Variants in INPP5E observed in about 807,000 individuals in gnomAD.
INPP5E encodes inositol polyphosphate-5-phosphatase E.
Under a neutral mutation model 50.5 loss-of-function variants are expected in INPP5E, and 34 were observed. The observed-to-expected ratio is 0.67, with a 90% CI of 0.51 to 0.90. The LOEUF (loss-of-function observed/expected upper bound fraction) is 0.90. Ranked by LOEUF, INPP5E falls within the 40% of genes least tolerant of loss-of-function variation. The probability of loss-of-function intolerance (pLI) is 0.00; values close to 1 mark genes in which losing one functional copy is unlikely to be tolerated. For synonymous variants in INPP5E, 447 were observed against 406.0 expected (o/e 1.10, Z -1.21); for missense variants, 942 against 905.5 (o/e 1.04, Z -0.52).
At chr9:136,430,929 A>T in intron 8 of INPP5E, 73 bp downstream of exon 8, 2 of 1,073,008 alleles carry the variant, frequency 1.9e-6, no homozygotes, top group Non-Finnish European at 2.9e-6. Context: ...CCCTGACGCC[A>T]GGCATCGGTT....
chr9:136,438,331 A>G, intron 1 of INPP5E: 1 of 569,678 alleles, frequency 1.8e-6, no homozygotes, highest in Non-Finnish European at 3.1e-6. Context: ...ACTAAACAAG[A>G]AAAAGCGCCA....
chr9:136,434,658 C>T (rs1835790497), intron 2 of INPP5E, 82 bp downstream of exon 2: 1 of 1,531,386 alleles, frequency 6.5e-7, no homozygotes, highest in South Asian at 1.2e-5. Flanking sequence ...GGATGAGGCA[C>T]AGAGCTGCCC....
rs953200980 is a variant in INPP5E, at chr9:136,429,744, A to T, written c.1866T>A (p.Ile622=). ...ELYLLGIKRR[I]SKEIQRQQAL... ...CTTGCTGCCTCTGAATCTCCTTCGA[A>T]ATCCGTCTTTTAATTCCTAGTAAGT... The change falls in exon 10 of 10, where the codon ATT becomes ATA. Residue 622 remains isoleucine, a synonymous_variant. Coordinates refer to ENST00000371712, the MANE Select transcript of INPP5E (RefSeq NM_019892.6). 2.5e-6 allele frequency: 4 copies of T among 1,613,794 alleles called. No individual in the cohort carries two copies. Among genetic ancestry groups the T allele is most frequent in the Non-Finnish European group, 3.4e-6 (4 of 1,179,982 alleles).
intron 5 of INPP5E, 37 bp downstream of exon 5, chr9:136,432,919 C>T: frequency 1.2e-6 from 2 of 1,607,154 alleles, no homozygotes; most frequent in South Asian, 2.2e-5. Context: ...AAGCTGTTCT[C>T]ACACAGCACC....
At chr9:136,438,328 A>G in intron 1 of INPP5E, 1 of 565,570 alleles carries the variant, frequency 1.8e-6, no homozygotes, top group South Asian at 2.1e-5. Flanking sequence ...AAGACTAAAC[A>G]AGAAAAAGCG....
At chr9:136,432,244 G>C (rs948292651) in intron 6 of INPP5E, among the ~76,000 whole-genome samples, 2 of 152,198 alleles carry the variant, frequency 1.3e-5, no homozygotes, top group Non-Finnish European at 2.9e-5. Flanking sequence ...GCGGCGGGGC[G>C]GGCAGTGGCG....
chr9:136,428,920 C>T lies in INPP5E; in HGVS notation c.*755G>A, dbSNP rs1324040133. 6.6e-6 allele frequency: 1 copy of T among 152,442 alleles called. No individual in the cohort carries two copies. The highest frequency in any genetic ancestry group is 1.5e-5 in the Non-Finnish European group (1 of 68,324). 9.4% of individuals were successfully genotyped at this position (152,442 alleles called of 1,614,324 possible). The stretch of plus-strand genomic sequence containing the variant: ...TTAAAGAAGCAAACGGTCTACGTCA[C>T]CAAGACCATGAGACGGTTTCAAAAA... On this transcript the variant is annotated 3_prime_UTR_variant, in exon 10 of 10. Transcript: ENST00000371712.
rs1210680949 is a variant in INPP5E, at chr9:136,438,697, GC to G, written c.722del (p.Ser241ThrfsTer153). 1 of 1,601,150 alleles carries G rather than the reference GC, an allele frequency of 6.2e-7. No homozygotes were observed. Among genetic ancestry groups the G allele is most frequent in the Non-Finnish European group, 8.5e-7 (1 of 1,174,238 alleles). On this transcript the variant is annotated frameshift_variant, in exon 1 of 10. Coordinates refer to ENST00000371712, the MANE Select transcript of INPP5E (RefSeq NM_019892.6). LOFTEE classifies it high-confidence loss of function. ...HSSLGPGRPR[S>X]PLACDDCSLR... ...GGGAACAGTCGTCGCAGGCCAGGGG[GC>G]TCCGCGGCCGGCCGGGGCCCAGGCT...
At chr9:136,430,482 C>G (rs972231041) in intron 8 of INPP5E, 69 bp from the exon 9 acceptor site, 9 of 1,533,118 alleles carry the variant, frequency 5.9e-6, no homozygotes, top group Non-Finnish European at 7.9e-6. Context: ...GCCCGCTCAC[C>G]TCCCTGCTGT....
intron 5 of INPP5E, 46 bp from the exon 6 acceptor site, chr9:136,432,632 C>T (rs1274625536): frequency 7.8e-6 from 10 of 1,287,770 alleles, no homozygotes; most frequent in African/African-American, 5.9e-5. Context: ...TCCGGATGCT[C>T]GAGTCTCCCT....
chr9:136,439,293 G>A lies in INPP5E; in HGVS notation c.127C>T (p.Pro43Ser). The A allele has an allele frequency of 6.9e-7, 1 of 1,444,370 alleles. No homozygotes were observed. Among genetic ancestry groups the A allele is most frequent in the Non-Finnish European group, 9.0e-7 (1 of 1,108,146 alleles). 89.5% of individuals were successfully genotyped at this position (1,444,370 alleles called of 1,614,324 possible). A position where few individuals can be genotyped will look rare whatever the true frequency, so the allele number is the denominator to read the frequency against. ...AQRAGSPPDA[P>S]GSESPALACS... The stretch of plus-strand genomic sequence containing the variant: ...GCAAGCGCGGGGCTCTCGGAGCCCG[G>A]AGCATCGGGTGGGGACCCCGCGCGC... Residue 43 changes from proline (P) to serine (S), a missense_variant, in exon 1 of 10, where the codon CCG (proline) becomes TCG (serine). Pro to Ser is a moderately conservative substitution (Grantham distance 74). Transcript: ENST00000371712.
In INPP5E at chr9:136,434,838, C is replaced by T. The variant is rs746298415; in HGVS notation, c.838G>A (p.Ala280Thr). The change falls in exon 2 of 10, where the codon GCC (alanine) becomes ACC (threonine). Residue 280 changes from alanine (A) to threonine (T), a missense_variant. Physicochemically the swap from Ala to Thr is moderately conservative, Grantham distance 58. Coordinates refer to ENST00000371712, the MANE Select transcript of INPP5E (RefSeq NM_019892.6). ...SRSYLEGSLL[A>T]SGALLGADEL... The stretch of plus-strand genomic sequence containing the variant: ...TCCGCCCCCAACAGGGCCCCGCTGG[C>T]CAGGAGGCTGCCCTCCAGGTAACTC... 2 of 1,610,500 alleles carry T rather than the reference C, an allele frequency of 1.2e-6. No individual in the cohort carries two copies. The highest frequency in any genetic ancestry group is 1.7e-6 in the Non-Finnish European group (2 of 1,179,130).
rs2131619250 is a variant in INPP5E at position 136,439,082 on chromosome 9, C to T, written c.338G>A (p.Arg113Lys). The change falls in exon 1 of 10, where the codon AGG becomes AAG. Residue 113 changes from arginine to lysine, a missense_variant. By Grantham distance (26) the Arg-to-Lys change is conservative (BLOSUM62 2). Coordinates refer to ENST00000371712, the MANE Select transcript of INPP5E (RefSeq NM_019892.6). ...LEARNGTSPSRGSVQSEGPGA... is the reference protein window; with the variant it reads ...LEARNGTSPSKGSVQSEGPGA... ...GGGGCCCTCGCTCTGCACTGAGCCC[C>T]TGGAGGGACTGGTCCCATTCCGGGC... 6.4e-7 allele frequency: 1 copy of T among 1,573,148 alleles called. No homozygotes were observed. Among genetic ancestry groups the T allele is most frequent in the Non-Finnish European group, 8.6e-7 (1 of 1,160,504 alleles).
At chr9:136,434,185 G>A (rs373500214) in intron 2 of INPP5E, 51 bp from the exon 3 acceptor site, 54 of 1,312,408 alleles carry the variant, frequency 4.1e-5, no homozygotes, top group African/African-American at 1.3e-4. Flanking sequence ...ACCTGCAGGC[G>A]CCTGTGGGTG....
At chr9:136,433,852 C>T (rs997446817) in intron 3 of INPP5E, among the ~76,000 whole-genome samples, 185 bp downstream of exon 3, 3 of 151,950 alleles carry the variant, frequency 2.0e-5, no homozygotes, top group African/African-American at 4.8e-5. Flanking sequence ...CGGCAGCCCC[C>T]GGGCAGGCAC....
intron 1 of INPP5E, chr9:136,437,253 C>A (rs940196215): frequency 6.6e-6 from 1 of 152,278 alleles, no homozygotes; most frequent in Non-Finnish European, 1.5e-5. Flanking sequence ...GTGAGCTGAA[C>A]AGTGATCCCC....
At position 136,432,461 on chromosome 9, in the gene INPP5E, C is replaced by T. The variant is rs758023235; in HGVS notation, c.1387+18G>A. The T allele has an allele frequency of 1.7e-5, 26 of 1,500,850 alleles. No homozygotes were observed. In the South Asian group the frequency reaches 3.0e-4, roughly 17 times the overall value. The allele number at this position is 1,500,850 out of a possible 1,614,324, so 93.0% of individuals were successfully genotyped here. On this transcript the variant is annotated intron_variant, in intron 6 of 9. Coordinates refer to ENST00000371712, the MANE Select transcript of INPP5E (RefSeq NM_019892.6). ...GAACCACGGCGGCACCACCCACACG[C>T]AGCGTGGACGCCCTCACCTGCGCTG... is the stretch of plus-strand genomic sequence containing the variant.
chr9:136,430,507 C>G (rs1835675993), intron 8 of INPP5E, 94 bp from the exon 9 acceptor site: 4 of 1,453,848 alleles, frequency 2.8e-6, no homozygotes, highest in East Asian at 2.5e-5. Context: ...AAGCGCCCCC[C>G]ACAAGGAAGC....
rs1450150998 is a variant in INPP5E at position 136,432,555 on chromosome 9, C to T, written c.1311G>A (p.Leu437=). The change falls in exon 6 of 10, where the codon CTG becomes CTA. Residue 437 remains leucine, a synonymous_variant. Coordinates refer to ENST00000371712, the MANE Select transcript of INPP5E (RefSeq NM_019892.6). The part of the protein sequence containing the change: ...SGDGKVAERL[L]DYTRTVQALV... ...GGGCTTGTACAGTCCTGGTGTAGTC[C>T]AGCAGCCGCTCCGCCACCTTCCCGT... The T allele has an allele frequency of 1.9e-6, 3 of 1,550,478 alleles. No individual in the cohort carries two copies. Among genetic ancestry groups the T allele is most frequent in the Non-Finnish European group, 2.6e-6 (3 of 1,146,864 alleles).
Sources: gnomAD v4.1 joint callset for allele counts (sites outside exome capture counted in the v4.1 genomes callset) on GRCh38, gnomAD v4.1.1 for gene constraint, MANE v1.5 for transcripts, NCBI Gene and HGNC (gene_info 2026-07-23, HGNC 2026-07-21) for gene names.